EPC2: variants seen among roughly 807,000 people sequenced by gnomAD.
EPC2 encodes enhancer of polycomb 2, also known as enhancer of polycomb homolog 2.
EPC2 carries 14 observed loss-of-function variants against 92.1 expected under a neutral mutation model. That is an observed-to-expected ratio of 0.15 (90% CI 0.10 to 0.24). The LOEUF is 0.24. Among genes scored for constraint, EPC2 ranks in the 10% least tolerant of loss-of-function variants. The pLI, the probability that EPC2 is intolerant of heterozygous loss-of-function variation, is 1.00. For synonymous variants in EPC2, 340 were observed against 334.7 expected, an observed-to-expected ratio of 1.02 and a Z score of -0.17; for missense variants, 755 against 971.5, an observed-to-expected ratio of 0.78 and a Z score of 2.96.
intron 2 of EPC2, among the ~76,000 whole-genome samples, chr2:148,700,445 T>C (rs1242527779): frequency 6.6e-6 from 1 of 152,076 alleles, no homozygotes; most frequent in Non-Finnish European, 1.5e-5. Flanking sequence ...TCATATGGGA[T>C]GTCACCGTTC....
At chr2:148,770,374 T>C (rs780473262) in intron 8 of EPC2, among the ~76,000 whole-genome samples, 7 of 152,126 alleles carry the variant, frequency 4.6e-5, no homozygotes, top group Non-Finnish European at 1.0e-4. Context: ...AGAGGAAGCT[T>C]CAGTTTGACC....
At chr2:148,724,135 A>C (rs1271166772) in intron 2 of EPC2, among the ~76,000 whole-genome samples, 1 of 152,116 alleles carries the variant, frequency 6.6e-6, no homozygotes, top group Non-Finnish European at 1.5e-5. Flanking sequence ...TTCAGAGAGC[A>C]GTTCCTCAAA....
intron 10 of EPC2, among the ~76,000 whole-genome samples, chr2:148,778,854 G>A (rs1683698101): frequency 6.6e-6 from 1 of 152,074 alleles, no homozygotes; most frequent in South Asian, 2.1e-4. Context: ...AACATATTGA[G>A]ATTGAGGTGA....
At chr2:148,734,149 A>T (rs909892216) in intron 2 of EPC2, among the ~76,000 whole-genome samples, 11 of 152,186 alleles carry the variant, frequency 7.2e-5, no homozygotes, top group Non-Finnish European at 1.3e-4. Flanking sequence ...AGAAAAAATT[A>T]TTCCTACATG....
intron 1 of EPC2, among the ~76,000 whole-genome samples, chr2:148,656,789 A>G (rs1680810967): frequency 6.6e-6 from 1 of 152,242 alleles, no homozygotes. Context: ...GCTTAGTAGG[A>G]GAGAAAGGAG....
chr2:148,692,875 A>G (rs535294703), intron 2 of EPC2: 1 of 152,288 alleles, frequency 6.6e-6, no homozygotes, highest in South Asian at 2.1e-4. Flanking sequence ...ATTGTAAAAA[A>G]CAATAAAAAT....
At chr2:148,663,783 C>T (rs557124636) in intron 1 of EPC2, among the ~76,000 whole-genome samples, 20 of 151,982 alleles carry the variant, frequency 1.3e-4, no homozygotes, top group African/African-American at 4.6e-4. Flanking sequence ...GAAACTGTTC[C>T]ATCTCAGATA....
In EPC2 at chr2:148,783,768, G is replaced by A; in HGVS notation, c.2017+12G>A. On this transcript the variant is annotated intron_variant, in intron 12 of 13. Coordinates refer to ENST00000258484, the MANE Select transcript of EPC2 (RefSeq NM_015630.4). ...TGTCCAGCCTTCAGGTACAGCTGGG[G>A]TTTCACATGGTACCTACTTTCTTGA... The A allele has an allele frequency of 1.3e-6, 2 of 1,579,484 alleles. No homozygotes were observed. Among genetic ancestry groups the A allele is most frequent in the South Asian group, 1.2e-5 (1 of 86,328 alleles).
intron 2 of EPC2, among the ~76,000 whole-genome samples, chr2:148,694,229 G>T (rs1681700159): frequency 6.6e-6 from 1 of 152,198 alleles, no homozygotes; most frequent in Admixed American, 6.5e-5. Context: ...TAAAAGGTGA[G>T]TTCTGTTATT....
chr2:148,652,612 C>A (rs1347190034), intron 1 of EPC2, among the ~76,000 whole-genome samples: 1 of 152,106 alleles, frequency 6.6e-6, no homozygotes, highest in Non-Finnish European at 1.5e-5. Context: ...TTACTTGAAC[C>A]TCTGAAACCG....
At chr2:148,691,083 C>T (rs1681635713) in intron 2 of EPC2, among the ~76,000 whole-genome samples, 1 of 152,146 alleles carries the variant, frequency 6.6e-6, no homozygotes, top group African/African-American at 2.4e-5. Flanking sequence ...CTGTGTAGTT[C>T]TGCCTCCTTA....
At chr2:148,700,406 A>G (rs35792128) in intron 2 of EPC2, among the ~76,000 whole-genome samples, 36,148 of 151,706 alleles carry the variant, frequency 0.24, 4,984 homozygotes, top group East Asian at 0.51. Context: ...TGTGAAGGGT[A>G]TAAGTTCTAT....
chr2:148,775,088 CAAAAA>C (rs67806541), intron 10 of EPC2, among the ~76,000 whole-genome samples: 5 of 120,872 alleles, frequency 4.1e-5, no homozygotes, highest in Admixed American at 7.9e-5. Flanking sequence ...GACTCCCTCT[CAAAAA>C]AAAAAAAAAA....
At chr2:148,704,983 G>C (rs754377705) in intron 2 of EPC2, among the ~76,000 whole-genome samples, 48 of 150,648 alleles carry the variant, frequency 3.2e-4, no homozygotes, top group African/African-American at 1.1e-3. Context: ...GGAACCCAAT[G>C]TATCTGTCAG....
chr2:148,769,755 G>A (rs1261938974), intron 8 of EPC2, among the ~76,000 whole-genome samples: 3 of 152,114 alleles, frequency 2.0e-5, no homozygotes, highest in Non-Finnish European at 2.9e-5. Context: ...CTATGAAGTC[G>A]CATTATATCA....
intron 3 of EPC2, among the ~76,000 whole-genome samples, chr2:148,752,160 A>C (rs1683091714): frequency 1.3e-5 from 2 of 152,154 alleles, no homozygotes; most frequent in African/African-American, 4.8e-5. Context: ...TGGTGGAAAG[A>C]GCACTTATCC....
intron 8 of EPC2, among the ~76,000 whole-genome samples, chr2:148,770,088 A>G (rs1302514589): frequency 6.6e-6 from 1 of 152,098 alleles, no homozygotes; most frequent in Non-Finnish European, 1.5e-5. Context: ...CTCTGTCACC[A>G]AGGCTGGAGT....
intron 1 of EPC2, among the ~76,000 whole-genome samples, chr2:148,652,387 T>C (rs1012936005): frequency 6.6e-6 from 1 of 152,238 alleles, no homozygotes; most frequent in Non-Finnish European, 1.5e-5. Flanking sequence ...GTATGTGTTA[T>C]GTTTTAAATG....
At chr2:148,652,636 T>C (rs940148096) in intron 1 of EPC2, among the ~76,000 whole-genome samples, 1 of 152,196 alleles carries the variant, frequency 6.6e-6, no homozygotes, top group African/African-American at 2.4e-5. Context: ...GTCTATCTAC[T>C]GGCATATTGT....
Sources: allele counts gnomAD v4.1 joint callset (sites outside exome capture counted in the v4.1 genomes callset), GRCh38; gene constraint gnomAD v4.1.1; transcripts MANE v1.5; gene names NCBI Gene and HGNC (gene_info 2026-07-23, HGNC 2026-07-21).